Variants in CHST12 observed in about 807,000 individuals in gnomAD.
CHST12 encodes carbohydrate sulfotransferase 12, also known as carbohydrate (chondroitin 4) sulfotransferase 12.
A neutral mutation model predicts 27.9 loss-of-function variants in CHST12; 23 were observed. The ratio of observed to expected loss-of-function variants is 0.82; its 90% CI spans 0.59 to 1.17. CHST12 has a LOEUF of 1.17. CHST12 is among the 50% of genes most tolerant of loss of function. CHST12 has a pLI of 0.00. For missense variants in CHST12, 682 were observed against 603.0 expected (o/e 1.13, Z -1.37); for synonymous variants, 322 against 273.0 (o/e 1.18, Z -1.77).
chr7:2,412,226 T>G (rs1251276879), intron 1 of CHST12, among the ~76,000 whole-genome samples: 1 of 152,216 alleles, frequency 6.6e-6, no homozygotes, highest in Non-Finnish European at 1.5e-5. Context: ...ATGAAGTAAT[T>G]GTATAAGCAA....
intron 1 of CHST12, among the ~76,000 whole-genome samples, chr7:2,432,141 CAAAAAAAAAAAAAAAAAAAAAA>C (rs34061454): frequency 1.2e-4 from 2 of 17,114 alleles, no homozygotes; most frequent in African/African-American, 2.4e-4. Flanking sequence ...GACTCCATAT[CAAAAAAAAAAAAAAAAAAAAAA>C]AAAAAAAAAA....
At chr7:2,422,524 C>A (rs999799728) in intron 1 of CHST12, among the ~76,000 whole-genome samples, 1 of 151,288 alleles carries the variant, frequency 6.6e-6, no homozygotes, top group Non-Finnish European at 1.5e-5. Context: ...GGATTACAGG[C>A]GTGAGCCACT....
intron 1 of CHST12, among the ~76,000 whole-genome samples, chr7:2,405,271 C>T (rs1363227265): frequency 6.6e-6 from 1 of 152,054 alleles, no homozygotes; most frequent in East Asian, 1.9e-4. Flanking sequence ...ATGGTGAAAC[C>T]CCATCTCTAC....
chr7:2,434,579 TAAAAAAAAAAAAAAAAAAAAAAAAA>T lies in CHST12; in HGVS notation c.*708_*732del, dbSNP rs869123293. Reference sequence around the variant, plus strand: ...CAACATGGTGAAACCCTGTCTCTACTAAAAAAAAAAAAAAAAAAAAAAAAAAAAAAAAAAAAATGAGTCGGGTGTG... The same window carrying T: ...CAACATGGTGAAACCCTGTCTCTACTAAAAAAAAAAAATGAGTCGGGTGTG... On this transcript the variant is annotated 3_prime_UTR_variant, in exon 2 of 2. Coordinates refer to ENST00000618655, the MANE Select transcript of CHST12 (RefSeq NM_018641.5). 4.8e-5 allele frequency: 1 copy of T among 20,962 alleles called. No individual in the cohort carries two copies. Among genetic ancestry groups the T allele is most frequent in the Non-Finnish European group, 8.4e-5 (1 of 11,976 alleles). The allele number at this position is 20,962 out of a possible 1,614,324, so 1.3% of individuals were successfully genotyped here.
At position 2,438,581 on chromosome 7, in the gene CHST12, C is replaced by T. The variant is rs890174664; in HGVS notation, c.*4697C>T. 3.3e-5 allele frequency: 5 copies of T among 152,244 alleles called. No individual in the cohort carries two copies. Among genetic ancestry groups the T allele is most frequent in the African/African-American group, 1.2e-4 (5 of 41,462 alleles). The allele number at this position is 152,244 out of a possible 1,614,324, so 9.4% of individuals were successfully genotyped here. A position where few individuals can be genotyped will look rare whatever the true frequency, so the allele number is the denominator to read the frequency against. On this transcript the variant is annotated 3_prime_UTR_variant, in exon 2 of 2. Coordinates refer to ENST00000618655, the MANE Select transcript of CHST12 (RefSeq NM_018641.5). ...CTCACTTATTTATAAGCCACACATC[C>T]TCTTCTATCCTACCAAACCTAAGAA... is the stretch of plus-strand genomic sequence containing the variant.
In CHST12 at chr7:2,446,406, G is replaced by A. The variant is rs1016879679; in HGVS notation, c.*12522G>A. On this transcript the variant is annotated 3_prime_UTR_variant, in exon 2 of 2. Coordinates refer to ENST00000618655, the MANE Select transcript of CHST12 (RefSeq NM_018641.5). ...GAAAAACCTCTCCAGCCCAGCGCGT[G>A]GCCTGGCATTAACCCACTGCAGCCC... 6.5e-6 allele frequency: 1 copy of A among 152,928 alleles called. No individual in the cohort carries two copies. Among genetic ancestry groups the A allele is most frequent in the African/African-American group, 2.4e-5 (1 of 41,580 alleles). 9.5% of individuals were successfully genotyped at this position (152,928 alleles called of 1,614,324 possible).
At chr7:2,413,097 T>A (rs1781709166) in intron 1 of CHST12, among the ~76,000 whole-genome samples, 1 of 152,196 alleles carries the variant, frequency 6.6e-6, no homozygotes, top group African/African-American at 2.4e-5. Context: ...TCTCGGTAGC[T>A]CTGGTTAGCA....
intron 1 of CHST12, among the ~76,000 whole-genome samples, chr7:2,422,012 T>C (rs1244099632): frequency 6.6e-6 from 1 of 152,230 alleles, no homozygotes; most frequent in Non-Finnish European, 1.5e-5. Context: ...TAATGCTTCT[T>C]GGCTGAAAAA....
Position 2,447,683 on chromosome 7 carries a change from G to C in CHST12, c.*13799G>C, listed in dbSNP as rs1193629842. 6.6e-6 allele frequency: 1 copy of C among 152,164 alleles called. No individual in the cohort carries two copies. The highest frequency in any genetic ancestry group is 1.9e-4 in the East Asian group (1 of 5,188). The allele number at this position is 152,164 out of a possible 1,614,324, so 9.4% of individuals were successfully genotyped here. A position where few individuals can be genotyped will look rare whatever the true frequency, so the allele number is the denominator to read the frequency against. On this transcript the variant is annotated 3_prime_UTR_variant, in exon 2 of 2. Transcript: ENST00000618655. ...AGATGAGGTTTCACCATGTTGGCCAGGCTGGTCTCGAACTTCTGACCTCAA... is the reference window on the plus strand; with the variant it reads ...AGATGAGGTTTCACCATGTTGGCCACGCTGGTCTCGAACTTCTGACCTCAA...
intron 1 of CHST12, among the ~76,000 whole-genome samples, chr7:2,405,506 C>A (rs990044888): frequency 6.6e-6 from 1 of 152,054 alleles, no homozygotes; most frequent in Admixed American, 6.6e-5. Flanking sequence ...AAACTTTTAT[C>A]CCTTTGGTGG....
chr7:2,411,961 C>T (rs774356119), intron 1 of CHST12, among the ~76,000 whole-genome samples: 7 of 152,136 alleles, frequency 4.6e-5, no homozygotes, highest in African/African-American at 1.7e-4. Flanking sequence ...GGTATACGTG[C>T]GTGGATTTCC....
chr7:2,432,793 C>T lies in CHST12; in HGVS notation c.154C>T (p.Pro52Ser), dbSNP rs756902847. The T allele has an allele frequency of 1.2e-6, 2 of 1,613,540 alleles. No individual in the cohort carries two copies. Among genetic ancestry groups the T allele is most frequent in the Admixed American group, 1.7e-5 (1 of 59,990 alleles). ...RPHTGPPLPTPGPDRDRELTA... is the reference protein window; with the variant it reads ...RPHTGPPLPTSGPDRDRELTA... ...GCACACGGGGCCGCCGCTGCCCACGCCCGGGCCGGACAGGGACAGGGAGCT... is the reference window on the plus strand; with the variant it reads ...GCACACGGGGCCGCCGCTGCCCACGTCCGGGCCGGACAGGGACAGGGAGCT... Residue 52 changes from proline (P) to serine (S), a missense_variant, in exon 2 of 2, where the codon CCC becomes TCC. Pro to Ser is a moderately conservative substitution (Grantham distance 74). Coordinates refer to ENST00000618655, the MANE Select transcript of CHST12 (RefSeq NM_018641.5).
intron 1 of CHST12, among the ~76,000 whole-genome samples, chr7:2,409,946 A>C (rs989433110): frequency 3.3e-5 from 5 of 150,120 alleles, no homozygotes; most frequent in Non-Finnish European, 7.4e-5. Context: ...GATTCTGAGC[A>C]CTTTTTTTTT....
intron 1 of CHST12, among the ~76,000 whole-genome samples, chr7:2,416,620 G>T (rs919161046): frequency 6.6e-6 from 1 of 152,200 alleles, no homozygotes; most frequent in Non-Finnish European, 1.5e-5. Context: ...GATCTCAGTC[G>T]ATTTAGAGGT....
intron 1 of CHST12, among the ~76,000 whole-genome samples, chr7:2,415,987 C>T (rs1298988966): frequency 6.6e-6 from 1 of 152,188 alleles, no homozygotes; most frequent in African/African-American, 2.4e-5. Context: ...TTTCCTGTAG[C>T]ACGTGATGCT....
intron 1 of CHST12, among the ~76,000 whole-genome samples, chr7:2,424,735 C>G (rs527855920): frequency 6.6e-6 from 1 of 152,208 alleles, no homozygotes; most frequent in Non-Finnish European, 1.5e-5. Flanking sequence ...GCTCCCCCTC[C>G]TCTGTGACAG....
intron 1 of CHST12, among the ~76,000 whole-genome samples, chr7:2,428,197 CTTTT>C (rs113888480): frequency 2.3e-5 from 3 of 131,370 alleles, no homozygotes; most frequent in Non-Finnish European, 3.3e-5. Flanking sequence ...TTCTCTCTCT[CTTTT>C]TTTTTTTTTT....
rs548297630 is a variant in CHST12, at chr7:2,404,464, C to T, written c.-78+791C>T. On this transcript the variant is annotated intron_variant, in intron 1 of 1. Transcript: ENST00000618655. ...CGGGGCTGTGGGGACTCGGAAGCCC[C>T]GGGGTGAATAGGAATGTGAGTTGCA... 6.6e-5 allele frequency among the ~76,000 whole-genome samples: 10 copies of T among 152,320 alleles called. No homozygotes were observed. In the East Asian group the frequency reaches 1.9e-3, roughly 29 times the overall value.
rs1181071193 is a variant in CHST12, at chr7:2,443,896, C to G, written c.*10012C>G. On this transcript the variant is annotated 3_prime_UTR_variant, in exon 2 of 2. Coordinates refer to ENST00000618655, the MANE Select transcript of CHST12 (RefSeq NM_018641.5). Reference sequence around the variant, plus strand: ...AGGTGCGGTGGCTCATGGCTGTAATCCCAGCACTTTGGGAGGCCGAGGCGG... The same window carrying G: ...AGGTGCGGTGGCTCATGGCTGTAATGCCAGCACTTTGGGAGGCCGAGGCGG... The G allele has an allele frequency of 1.3e-5, 2 of 152,368 alleles. No individual in the cohort carries two copies. The highest frequency in any genetic ancestry group is 6.5e-5 in the Admixed American group (1 of 15,290). The allele number at this position is 152,368 out of a possible 1,614,324, so 9.4% of individuals were successfully genotyped here.
Sources: allele counts gnomAD v4.1 joint callset (sites outside exome capture counted in the v4.1 genomes callset), GRCh38; gene constraint gnomAD v4.1.1; transcripts MANE v1.5; gene names NCBI Gene and HGNC (gene_info 2026-07-23, HGNC 2026-07-21).